LITAF: variants seen among roughly 807,000 people sequenced by gnomAD.
LITAF encodes lipopolysaccharide induced TNF factor, also known as lipopolysaccharide-induced tumor necrosis factor-alpha factor.
A neutral mutation model predicts 14.5 loss-of-function variants in LITAF; 9 were observed. The observed-to-expected ratio is 0.62, with a 90% CI of 0.37 to 1.08. The LOEUF is 1.08. Among genes scored for constraint, LITAF ranks in the 50% least tolerant of loss-of-function variants. The pLI is 0.01. For synonymous variants in LITAF, 98 were observed against 88.2 expected, an observed-to-expected ratio of 1.11 and a Z score of -0.62; for missense variants, 206 against 213.4, an observed-to-expected ratio of 0.97 and a Z score of 0.22.
At chr16:11,626,501 G>T (rs2065084797) in intron 3 of LITAF, among the ~76,000 whole-genome samples, 1 of 152,176 alleles carries the variant, frequency 6.6e-6, no homozygotes, top group South Asian at 2.1e-4. Flanking sequence ...GCATCACCAT[G>T]CCTGGTTAAT....
At chr16:11,563,902 C>G (rs1290244717) in intron 1 of LITAF, among the ~76,000 whole-genome samples, 1 of 151,940 alleles carries the variant, frequency 6.6e-6, no homozygotes, top group Non-Finnish European at 1.5e-5. Context: ...ATCTCCATCT[C>G]AGTTTTGCTT....
chr16:11,586,957 C>A (rs1169260869), upstream of LITAF: 1 of 150,986 alleles, frequency 6.6e-6, no homozygotes, highest in African/African-American at 2.4e-5. This position sits in a 1 kb window ranked among gnomAD's most constrained non-coding sequence, Gnocchi z 6.5. Context: ...AAGGGCCGGG[C>A]GGCGGGGACG....
chr16:11,619,652 G>A (rs2065038538), intron 3 of LITAF, among the ~76,000 whole-genome samples: 1 of 151,504 alleles, frequency 6.6e-6, no homozygotes, highest in Non-Finnish European at 1.5e-5. Context: ...CTGCAGTGTT[G>A]ACTTCCTGGG....
rs953157660 is a variant in LITAF at position 11,553,359 on chromosome 16, C to G, written c.377+174G>C. The G allele has an allele frequency of 1.0e-5, 7 of 679,628 alleles. No individual in the cohort carries two copies. The highest frequency in any genetic ancestry group is 1.8e-5 in the Non-Finnish European group (7 of 395,266). 42.1% of individuals were successfully genotyped at this position (679,628 alleles called of 1,614,324 possible). A position where few individuals can be genotyped will look rare whatever the true frequency, so the allele number is the denominator to read the frequency against. On this transcript the variant is annotated intron_variant, in intron 3 of 3. Coordinates refer to ENST00000622633, the MANE Select transcript of LITAF (RefSeq NM_001136472.2). The surrounding 1 kb of genome is among the most constrained non-coding windows in gnomAD (Gnocchi z 7.7). ...CTGAGCAGTGGGGGTTACAGTGAGC[C>G]GAGATCGCCCCACTGTACTCCAGCC...
chr16:11,554,188 C>T (rs555063567), intron 2 of LITAF, among the ~76,000 whole-genome samples: 11 of 152,186 alleles, frequency 7.2e-5, no homozygotes, highest in East Asian at 1.9e-4. Flanking sequence ...ATCATGATTG[C>T]GCCACTGCTC....
intron 3 of LITAF, among the ~76,000 whole-genome samples, chr16:11,631,853 C>CTTTTT (rs34507448): frequency 1.0e-4 from 14 of 134,526 alleles, no homozygotes; most frequent in South Asian, 2.3e-4. Context: ...CTTTTCTTTT[C>CTTTTT]TTTTTTTTTT....
chr16:11,557,490 C>A (rs576500680), intron 1 of LITAF, among the ~76,000 whole-genome samples: 91 of 152,284 alleles, frequency 6.0e-4, no homozygotes, highest in Middle Eastern at 3.4e-3. Context: ...AGATCTGTCA[C>A]CCAGGCTACA....
intron 1 of LITAF, among the ~76,000 whole-genome samples, chr16:11,565,950 T>A (rs1276236545): frequency 1.3e-5 from 2 of 151,898 alleles, no homozygotes; most frequent in Non-Finnish European, 2.9e-5. Flanking sequence ...CCTGGGTTCC[T>A]CCAGGCGCCC....
intron 1 of LITAF, among the ~76,000 whole-genome samples, chr16:11,580,281 G>A (rs914849130): frequency 2.0e-5 from 3 of 150,174 alleles, no homozygotes; most frequent in South Asian, 2.1e-4. Context: ...TTTTTGAGAC[G>A]GAGTCTCATT....
upstream of LITAF, among the ~76,000 whole-genome samples, chr16:11,637,148 C>T (rs1238230083): frequency 6.6e-6 from 1 of 152,200 alleles, no homozygotes; most frequent in Non-Finnish European, 1.5e-5. Flanking sequence ...ACCTCGGCCT[C>T]CCACAGTGCT....
rs111690253 is a variant in LITAF, at chr16:11,594,890, A to T, written c.-6+3498T>A. Among the ~76,000 whole-genome samples, 23 of 49,280 alleles carry T rather than the reference A, an allele frequency of 4.7e-4. No individual in the cohort carries two copies. In the East Asian group the frequency reaches 0.011, roughly 24 times the overall value. 32.3% of individuals were successfully genotyped at this position (49,280 alleles called of 152,430 possible). On this transcript the variant is annotated intron_variant, in intron 1 of 3. Coordinates refer to the LITAF transcript ENST00000571627. Reference sequence around the variant, plus strand: ...GACTCCATCTCAAAAAAATAAAAAAAAATAAAATAAAGTAAAATAAAAATA... The same window carrying T: ...GACTCCATCTCAAAAAAATAAAAAATAATAAAATAAAGTAAAATAAAAATA...
At chr16:11,593,402 T>G (rs6498228) in intron 1 of LITAF, among the ~76,000 whole-genome samples, 105,436 of 146,154 alleles carry the variant, frequency 0.72, 38,538 homozygotes, top group African/African-American at 0.86. Flanking sequence ...TAAATATTGG[T>G]AAGGATGTGA....
intron 3 of LITAF, among the ~76,000 whole-genome samples, chr16:11,620,037 G>A (rs970414168): frequency 4.0e-5 from 6 of 151,718 alleles, no homozygotes; most frequent in African/African-American, 1.2e-4. Flanking sequence ...GTGTGGTGGC[G>A]GGTGCCTGTA....
intron 3 of LITAF, among the ~76,000 whole-genome samples, chr16:11,625,284 A>G (rs1289296256): frequency 7.0e-6 from 1 of 142,140 alleles, no homozygotes; most frequent in Non-Finnish European, 1.5e-5. Flanking sequence ...TTTTTTTGAG[A>G]CAGGGTCTCG....
chr16:11,604,098 G>A (rs12927069), intron 3 of LITAF, among the ~76,000 whole-genome samples: 11 of 151,960 alleles, frequency 7.2e-5, no homozygotes, highest in Non-Finnish European at 1.6e-4. Context: ...GGGAGGCTGA[G>A]GCAGGAGGAT....
intron 3 of LITAF, among the ~76,000 whole-genome samples, chr16:11,610,829 T>C (rs554540734): frequency 1.3e-5 from 2 of 152,206 alleles, no homozygotes; most frequent in Non-Finnish European, 2.9e-5. Context: ...AGCTGGCTCA[T>C]GGGAGCAAGC....
intron 1 of LITAF, among the ~76,000 whole-genome samples, chr16:11,596,801 G>A (rs1210845623): frequency 8.2e-6 from 1 of 122,162 alleles, no homozygotes; most frequent in Non-Finnish European, 1.7e-5. Context: ...AGGGGGAAGG[G>A]ACAGGAGGAA....
chr16:11,616,060 A>C (rs1402347387), intron 3 of LITAF, among the ~76,000 whole-genome samples: 3 of 152,212 alleles, frequency 2.0e-5, no homozygotes, highest in African/African-American at 7.2e-5. Context: ...GTTGCCAAAT[A>C]CATCCACTAC....
At chr16:11,591,752 T>C (rs2064847731), upstream of LITAF, among the ~76,000 whole-genome samples, 1 of 152,092 alleles carries the variant, frequency 6.6e-6, no homozygotes, top group East Asian at 1.9e-4. Context: ...GCAATTCTCT[T>C]GCCTCAGCCT....
Sources: allele counts gnomAD v4.1 joint callset (sites outside exome capture counted in the v4.1 genomes callset), GRCh38; gene constraint gnomAD v4.1.1; non-coding constraint Gnocchi (gnomAD v3.1); transcripts MANE v1.5; gene names NCBI Gene and HGNC (gene_info 2026-07-23, HGNC 2026-07-21).